ATG4C: variants seen among roughly 807,000 people sequenced by gnomAD.
ATG4C encodes the protein autophagy related 4C cysteine peptidase.
A neutral mutation model predicts 57.6 loss-of-function variants in ATG4C; 56 were observed. The observed-to-expected ratio is 0.97, with a 90% CI of 0.78 to 1.21. The LOEUF (loss-of-function observed/expected upper bound fraction) is 1.21, where lower values mean the gene tolerates loss of function less well. Ranked by LOEUF, ATG4C falls within the 50% of genes most tolerant of loss-of-function variation. The pLI is 0.00. For synonymous variants in ATG4C, 157 were observed against 174.1 expected (o/e 0.90, Z 0.78); for missense variants, 595 against 529.8 (o/e 1.12, Z -1.21).
At chr1:62,791,284 T>G (rs895401196) in intron 1 of ATG4C, among the ~76,000 whole-genome samples, 7 of 152,184 alleles carry the variant, frequency 4.6e-5, no homozygotes, top group Admixed American at 1.3e-4. Flanking sequence ...ACTCAAATAC[T>G]TGATGAATAA....
rs1285635162 is a variant in ATG4C at position 62,829,043 on chromosome 1, A to C, written c.800A>C (p.Tyr267Ser). The C allele has an allele frequency of 6.2e-7, 1 of 1,603,970 alleles. No individual in the cohort carries two copies. Among genetic ancestry groups the C allele is most frequent in the East Asian group, 2.2e-5 (1 of 44,634 alleles). The change falls in exon 7 of 11, where the codon TAC becomes TCC. Residue 267 changes from tyrosine to serine, a missense_variant. Transcript: ENST00000317868. ...ATATTCATTATGTTTTTCTCAGTTTACAATTCTGATGTAATTGATAAACAG... is the reference window on the plus strand; with the variant it reads ...ATATTCATTATGTTTTTCTCAGTTTCCAATTCTGATGTAATTGATAAACAG... ...TIYVAQDCTV[Y>S]NSDVIDKQSA...
intron 2 of ATG4C, 46 bp downstream of exon 2, chr1:62,803,908 G>C: frequency 1.6e-6 from 2 of 1,233,462 alleles, no homozygotes; most frequent in Non-Finnish European, 2.3e-6. Flanking sequence ...AGAAATATTT[G>C]ACAATATTTA....
intron 10 of ATG4C, among the ~76,000 whole-genome samples, chr1:62,859,658 A>C (rs972066422): frequency 2.0e-5 from 3 of 151,788 alleles, no homozygotes; most frequent in African/African-American, 4.8e-5. Context: ...TTATGAGAAA[A>C]CATATTTCTT....
Position 62,784,577 on chromosome 1 carries a change from C to T in ATG4C, c.-69+304C>T, listed in dbSNP as rs186250364. Among the ~76,000 whole-genome samples, 31 of 152,288 alleles carry T rather than the reference C, an allele frequency of 2.0e-4. 1 individual carries two copies. Among genetic ancestry groups the T allele is most frequent in the Admixed American group, 7.2e-4 (11 of 15,302 alleles). On this transcript the variant is annotated intron_variant, in intron 1 of 10. Coordinates refer to ENST00000317868, the MANE Select transcript of ATG4C (RefSeq NM_032852.4). Reference sequence around the variant, plus strand: ...GGCAAGACTCTTTCCCCTGATCTATCGCATCCATTTGACCCCTCCTCATGC... The same window carrying T: ...GGCAAGACTCTTTCCCCTGATCTATTGCATCCATTTGACCCCTCCTCATGC...
Position 62,834,128 on chromosome 1 carries a change from A to G in ATG4C, c.1012+12A>G. On this transcript the variant is annotated intron_variant, in intron 8 of 10. Coordinates refer to ENST00000317868, the MANE Select transcript of ATG4C (RefSeq NM_032852.4). ...TGCTGGATTTCAAGGTTAGTGATTT[A>G]GTAAAATATATTTCTTCATTGTTTT... 1 of 1,605,502 alleles carries G rather than the reference A, an allele frequency of 6.2e-7. No individual in the cohort carries two copies. The highest frequency in any genetic ancestry group is 8.5e-7 in the Non-Finnish European group (1 of 1,174,210).
chr1:62,834,847 CTT>C lies in ATG4C; in HGVS notation c.1085_1086del (p.Leu362ArgfsTer37). 6.2e-7 allele frequency: 1 copy of C among 1,610,812 alleles called. No homozygotes were observed. Among genetic ancestry groups the C allele is most frequent in the Non-Finnish European group, 8.5e-7 (1 of 1,177,602 alleles). ...AGATGTCAGCATAAAGGATTTCCCT[CTT>C]GAGGTACTGTGGATAAAAAGCTGAT... Reference protein sequence around the residue: ...FVDVSIKDFPLETFHCPSPKK... With the variant: ...FVDVSIKDFPXETFHCPSPKK... On this transcript the variant is annotated frameshift_variant, in exon 9 of 11. Transcript: ENST00000317868. LOFTEE classifies it high-confidence loss of function.
intron 10 of ATG4C, among the ~76,000 whole-genome samples, chr1:62,856,065 T>C (rs1273252955): frequency 2.6e-5 from 4 of 152,358 alleles, no homozygotes; most frequent in South Asian, 4.1e-4. Context: ...TGTAGTCTTA[T>C]AGAATAAGAT....
intron 1 of ATG4C, among the ~76,000 whole-genome samples, chr1:62,800,918 C>T (rs998736210): frequency 5.9e-5 from 9 of 152,090 alleles, no homozygotes; most frequent in African/African-American, 1.4e-4. Context: ...GGAAATCTTA[C>T]CAGTCTTACC....
chr1:62,811,426 C>T (rs6686232), intron 3 of ATG4C, among the ~76,000 whole-genome samples: 60,754 of 151,988 alleles, frequency 0.4, 12,604 homozygotes, highest in East Asian at 0.67. Flanking sequence ...ACTGTTATGT[C>T]GAGGTATATA....
At chr1:62,832,416 T>C (rs1159378697) in intron 7 of ATG4C, among the ~76,000 whole-genome samples, 2 of 152,120 alleles carry the variant, frequency 1.3e-5, no homozygotes, top group Non-Finnish European at 2.9e-5. Flanking sequence ...GGCACTGGCA[T>C]CTGATGAAGG....
chr1:62,825,167 C>T (rs1204594969), intron 6 of ATG4C, among the ~76,000 whole-genome samples: 3 of 147,618 alleles, frequency 2.0e-5, no homozygotes, highest in East Asian at 2.0e-4. Flanking sequence ...ACCTAGGAGG[C>T]GGAGGCTGCA....
At position 62,802,194 on chromosome 1, in the gene ATG4C, T is replaced by C. The variant is rs1664701096; in HGVS notation, c.-68-1525T>C. Among the ~76,000 whole-genome samples, 4 of 152,114 alleles carry C rather than the reference T, an allele frequency of 2.6e-5. No homozygotes were observed. The South Asian group carries it at 6.2e-4, about 24-fold the overall frequency. ...CCCTGTTCTTTACCTTCCATATCCATTGTATCACCAAGACTTACTGAATTT... is the reference window on the plus strand; with the variant it reads ...CCCTGTTCTTTACCTTCCATATCCACTGTATCACCAAGACTTACTGAATTT... On this transcript the variant is annotated intron_variant, in intron 1 of 10. Coordinates refer to ENST00000317868, the MANE Select transcript of ATG4C (RefSeq NM_032852.4).
At chr1:62,858,385 G>T (rs1166104691) in intron 10 of ATG4C, among the ~76,000 whole-genome samples, 1 of 152,174 alleles carries the variant, frequency 6.6e-6, no homozygotes. Flanking sequence ...GTTACTAGTT[G>T]TGTGACCTTA....
rs1254413450 is a variant in ATG4C at position 62,864,429 on chromosome 1, C to G, written c.*270C>G. 4 of 274,202 alleles carry G rather than the reference C, an allele frequency of 1.5e-5. No homozygotes were observed. The highest frequency in any genetic ancestry group is 2.7e-5 in the Non-Finnish European group (4 of 145,942). The allele number at this position is 274,202 out of a possible 1,614,324, so 17.0% of individuals were successfully genotyped here. On this transcript the variant is annotated 3_prime_UTR_variant, in exon 11 of 11. Coordinates refer to ENST00000317868, the MANE Select transcript of ATG4C (RefSeq NM_032852.4). ...GTGATAATTCTACCTTAACTGTAAG[C>G]CTTTTAGTCTTCAAAGTCTTCCACC...
intron 10 of ATG4C, among the ~76,000 whole-genome samples, chr1:62,850,846 G>A (rs55954926): frequency 0.27 from 15,373 of 57,188 alleles, 1,086 homozygotes; most frequent in Admixed American, 0.33. Context: ...GTATGTGTGT[G>A]TATGTATGTA....
intron 1 of ATG4C, among the ~76,000 whole-genome samples, chr1:62,789,031 A>G (rs1664179364): frequency 6.6e-6 from 1 of 151,992 alleles, no homozygotes; most frequent in Non-Finnish European, 1.5e-5. Flanking sequence ...TCCCTTTTGT[A>G]TTTAGTAATC....
chr1:62,854,400 C>T (rs1666612524), intron 10 of ATG4C, among the ~76,000 whole-genome samples: 1 of 151,832 alleles, frequency 6.6e-6, no homozygotes, highest in East Asian at 1.9e-4. Flanking sequence ...GCCTCAGCCT[C>T]CCGAGTAGCT....
chr1:62,788,415 TTCTC>T (rs1354967875), intron 1 of ATG4C, among the ~76,000 whole-genome samples: 2 of 147,196 alleles, frequency 1.4e-5, no homozygotes, highest in Admixed American at 1.4e-4. Flanking sequence ...CAAGTGCTGT[TTCTC>T]TCTCTATAAA....
intron 8 of ATG4C, among the ~76,000 whole-genome samples, chr1:62,834,505 T>G (rs1665937327): frequency 6.6e-6 from 1 of 152,072 alleles, no homozygotes; most frequent in African/African-American, 2.4e-5. Flanking sequence ...ATGCAAACTG[T>G]AGAATATAAT....
Sources: gnomAD v4.1 joint callset for allele counts (sites outside exome capture counted in the v4.1 genomes callset) on GRCh38, gnomAD v4.1.1 for gene constraint, MANE v1.5 for transcripts, NCBI Gene and HGNC (gene_info 2026-07-23, HGNC 2026-07-21) for gene names.